The following CPPED1 variants were observed in gnomAD, a reference collection of about 807,000 sequenced individuals.
CPPED1 encodes serine/threonine-protein phosphatase CPPED1.
Under a neutral mutation model 28.0 loss-of-function variants are expected in CPPED1, and 28 were observed. The observed-to-expected ratio is 1.00, with a 90% confidence interval of 0.74 to 1.37. The LOEUF (loss-of-function observed/expected upper bound fraction) is 1.37. Ranked by LOEUF, CPPED1 falls within the 40% of genes most tolerant of loss-of-function variation. The pLI is 0.00. For synonymous variants in CPPED1, 198 were observed against 180.2 expected, an observed-to-expected ratio of 1.10 and a Z score of -0.79; for missense variants, 504 against 416.5, an observed-to-expected ratio of 1.21 and a Z score of -1.83.
At chr16:12,681,822 T>A (rs1043630459) in intron 3 of CPPED1, among the ~76,000 whole-genome samples, 1 of 152,108 alleles carries the variant, frequency 6.6e-6, no homozygotes, top group African/African-American at 2.4e-5. Context: ...ACCCACCGCA[T>A]CTGCATCCGA....
chr16:12,704,717 G>C lies in CPPED1; in HGVS notation c.622C>G (p.Leu208Val). 6.2e-7 allele frequency: 1 copy of C among 1,614,226 alleles called. No homozygotes were observed. Among genetic ancestry groups the C allele is most frequent in the Non-Finnish European group, 8.5e-7 (1 of 1,180,042 alleles). ...QHAIVFQHIP[L>V]FLESIDEDDD... ...TCCTCGTCGATGCTCTCCAGGAACA[G>C]CGGGATGTGCTGGAAGACGATGGCA... The change falls in exon 3 of 4, where the codon CTG becomes GTG. Residue 208 changes from leucine (L) to valine (V), a missense_variant. By Grantham distance (32) the Leu-to-Val change is conservative. Coordinates refer to ENST00000381774, the MANE Select transcript of CPPED1 (RefSeq NM_018340.3).
chr16:12,775,585 G>A (rs560321604), intron 2 of CPPED1, among the ~76,000 whole-genome samples: 55 of 152,284 alleles, frequency 3.6e-4, no homozygotes, highest in Middle Eastern at 3.4e-3. Context: ...GAACCTCATT[G>A]TCCATACAGT....
chr16:12,784,856 A>G (rs746188398), intron 1 of CPPED1, among the ~76,000 whole-genome samples: 3 of 152,248 alleles, frequency 2.0e-5, no homozygotes, highest in Non-Finnish European at 2.9e-5. Context: ...CAAAAAGTCA[A>G]TAGTCCTTGA....
In CPPED1 at chr16:12,660,397, A is replaced by G. The variant is rs951396392; in HGVS notation, c.*4489T>C. 2 of 152,218 alleles carry G rather than the reference A, an allele frequency of 1.3e-5. No individual in the cohort carries two copies. The highest frequency in any genetic ancestry group is 2.4e-5 in the African/African-American group (1 of 41,448). The allele number at this position is 152,218 out of a possible 1,614,324, so 9.4% of individuals were successfully genotyped here. Reference sequence around the variant, plus strand: ...ATTTATGTGCATGCACTGATGTTTAAAAATCCACTGGAGGAAAAGGAAAAT... The same window carrying G: ...ATTTATGTGCATGCACTGATGTTTAGAAATCCACTGGAGGAAAAGGAAAAT... On this transcript the variant is annotated 3_prime_UTR_variant, in exon 4 of 4. Coordinates refer to ENST00000381774, the MANE Select transcript of CPPED1 (RefSeq NM_018340.3).
chr16:12,688,535 T>C (rs896971995), intron 3 of CPPED1, among the ~76,000 whole-genome samples: 1 of 152,092 alleles, frequency 6.6e-6, no homozygotes, highest in Admixed American at 6.5e-5. Flanking sequence ...GATGGAGTTT[T>C]GCCATGTTGG....
intron 2 of CPPED1, among the ~76,000 whole-genome samples, chr16:12,724,877 C>T (rs1283855436): frequency 6.6e-6 from 1 of 152,062 alleles, no homozygotes; most frequent in African/African-American, 2.4e-5. Context: ...AGCTCAGCCT[C>T]TCGGGTTCAC....
chr16:12,803,719 C>T lies in CPPED1; in HGVS notation c.58G>A (p.Ala20Thr), dbSNP rs1364577577. 2 of 1,579,766 alleles carry T rather than the reference C, an allele frequency of 1.3e-6. No individual in the cohort carries two copies. The highest frequency in any genetic ancestry group is 1.8e-5 in the Admixed American group (1 of 55,040). Residue 20 changes from alanine to threonine, a missense_variant, in exon 1 of 4, where the codon GCG (alanine) becomes ACG (threonine). By Grantham distance (58) the Ala-to-Thr change is moderately conservative. Transcript: ENST00000381774. ...FHRARGRTLA[A>T]FPAEKESEWK... The stretch of plus-strand genomic sequence containing the variant: ...GGGCGGGCAGTACCTGCGGGAAACG[C>T]GGCCAGGGTCCTGCCCCTGGCTCTG...
chr16:12,733,007 C>T (rs2080207316), intron 2 of CPPED1, among the ~76,000 whole-genome samples: 1 of 152,126 alleles, frequency 6.6e-6, no homozygotes, highest in African/African-American at 2.4e-5. Context: ...GAAATAGCTC[C>T]AGGAGAAATT....
rs529360797 is a variant in CPPED1 at position 12,721,664 on chromosome 16, A to T, written c.290-16615T>A. Among the ~76,000 whole-genome samples the T allele has an allele frequency of 4.2e-3, 635 of 151,918 alleles. 2 individuals are homozygous for T. Among genetic ancestry groups the T allele is most frequent in the African/African-American group, 0.014 (589 of 41,440 alleles). The stretch of plus-strand genomic sequence containing the variant: ...GCTACTTGTGAGGCTGTGGCGGGAG[A>T]ATCCACTTGAACCTGGGAGACGAAG... On this transcript the variant is annotated intron_variant, in intron 2 of 3. Transcript: ENST00000381774.
chr16:12,732,475 A>AACACACACAC lies in CPPED1; in HGVS notation c.290-27436_290-27427dup, dbSNP rs199927875. 5.9e-3 allele frequency among the ~76,000 whole-genome samples: 836 copies of AACACACACAC among 142,442 alleles called. 5 individuals are homozygous for AACACACACAC. Among genetic ancestry groups the AACACACACAC allele is most frequent in the Middle Eastern group, 0.032 (9 of 280 alleles). The allele number at this position is 142,442 out of a possible 152,430, so 93.4% of individuals were successfully genotyped here. On this transcript the variant is annotated intron_variant, in intron 2 of 3. Transcript: ENST00000381774. ...CAACACACACACACACAAACACACA[A>AACACACACAC]ACACACACACACACAGATGGAGAGA... is the stretch of plus-strand genomic sequence containing the variant.
intron 2 of CPPED1, among the ~76,000 whole-genome samples, chr16:12,772,399 C>T (rs988897587): frequency 7.9e-5 from 12 of 152,234 alleles, no homozygotes; most frequent in African/African-American, 2.9e-4. Context: ...TGCTTCCTCT[C>T]CTCTCCAGAC....
intron 2 of CPPED1, among the ~76,000 whole-genome samples, chr16:12,717,629 C>G (rs915783595): frequency 1.3e-5 from 2 of 151,940 alleles, no homozygotes; most frequent in Non-Finnish European, 2.9e-5. Context: ...CAGACAGACA[C>G]ACACACACAT....
At chr16:12,780,930 T>C (rs2080526589) in intron 2 of CPPED1, 1 of 499,188 alleles carries the variant, frequency 2.0e-6, no homozygotes. Flanking sequence ...TGGGAATCTG[T>C]TCCATTTTTC....
intron 2 of CPPED1, among the ~76,000 whole-genome samples, chr16:12,756,200 C>T (rs534893497): frequency 3.9e-5 from 6 of 152,100 alleles, no homozygotes; most frequent in Non-Finnish European, 8.8e-5. Context: ...GACACGTCCA[C>T]AAGACTGGCA....
At chr16:12,717,841 C>T (rs907049682) in intron 2 of CPPED1, among the ~76,000 whole-genome samples, 1 of 152,106 alleles carries the variant, frequency 6.6e-6, no homozygotes, top group African/African-American at 2.4e-5. Flanking sequence ...AGGGTTTCAC[C>T]ATGTTGGCCA....
chr16:12,759,041 C>T (rs1238270742), intron 2 of CPPED1, among the ~76,000 whole-genome samples: 1 of 151,368 alleles, frequency 6.6e-6, no homozygotes, highest in Non-Finnish European at 1.5e-5. Context: ...CATGTATCTG[C>T]AGTCCCAGCT....
At chr16:12,802,281 G>C (rs2080664744) in intron 1 of CPPED1, among the ~76,000 whole-genome samples, 1 of 152,076 alleles carries the variant, frequency 6.6e-6, no homozygotes, top group African/African-American at 2.4e-5. Context: ...CTTCATGTTG[G>C]ACAAAAAAGA....
rs193184788 is a variant in CPPED1, at chr16:12,705,753, T to C, written c.290-704A>G. Among the ~76,000 whole-genome samples, 70 of 152,320 alleles carry C rather than the reference T, an allele frequency of 4.6e-4. 1 individual carries two copies. Among genetic ancestry groups the C allele is most frequent in the Middle Eastern group, 6.8e-3 (2 of 294 alleles). On this transcript the variant is annotated intron_variant, in intron 2 of 3. Coordinates refer to ENST00000381774, the MANE Select transcript of CPPED1 (RefSeq NM_018340.3). The stretch of plus-strand genomic sequence containing the variant: ...AGCCTGGGCAACAAGAGCGAATCTC[T>C]GCCTTAGCCTCCCAAAGTGTTGGGA...
chr16:12,756,375 C>A (rs1031512682), intron 2 of CPPED1, among the ~76,000 whole-genome samples: 1 of 152,184 alleles, frequency 6.6e-6, no homozygotes, highest in Non-Finnish European at 1.5e-5. Flanking sequence ...GCAAACTACT[C>A]TGGGGCTGTG....
Sources: gnomAD v4.1 joint callset for allele counts (sites outside exome capture counted in the v4.1 genomes callset) on GRCh38, gnomAD v4.1.1 for gene constraint, MANE v1.5 for transcripts, NCBI Gene and HGNC (gene_info 2026-07-23, HGNC 2026-07-21) for gene names.